The following HMGCLL1 variants were observed in gnomAD, a reference collection of about 807,000 sequenced individuals.
The protein encoded by HMGCLL1 is 3-hydroxymethyl-3-methylglutaryl-CoA lyase, cytoplasmic.
HMGCLL1 carries 36 observed loss-of-function variants against 39.1 expected under a neutral mutation model. The observed-to-expected ratio is 0.92, with a 90% CI of 0.71 to 1.22. HMGCLL1 has a LOEUF of 1.22. HMGCLL1 is among the 50% of genes most tolerant of loss of function. HMGCLL1 has a pLI of 0.00. For synonymous variants in HMGCLL1, 149 were observed against 144.0 expected, an observed-to-expected ratio of 1.03 and a Z score of -0.25; for missense variants, 451 against 416.5, an observed-to-expected ratio of 1.08 and a Z score of -0.72.
At chr6:55,646,014 A>T in the HMGCLL1 span, among the ~76,000 whole-genome samples, 3 of 151,908 alleles carry the variant, frequency 2.0e-5, no homozygotes, top group South Asian at 4.1e-4. Flanking sequence ...CAGCAAAGCC[A>T]TCAGTTTCTG....
At chr6:55,514,579 T>C (rs961054966) in intron 4 of HMGCLL1, among the ~76,000 whole-genome samples, 2 of 152,196 alleles carry the variant, frequency 1.3e-5, no homozygotes, top group East Asian at 3.9e-4. Flanking sequence ...ATTATTAAAA[T>C]GGAAGATACT....
chr6:55,644,119 C>G, the HMGCLL1 span, among the ~76,000 whole-genome samples: 4 of 151,988 alleles, frequency 2.6e-5, no homozygotes, highest in Non-Finnish European at 5.9e-5. Context: ...GAGATGATTA[C>G]TCATTGTAGT....
In HMGCLL1 at chr6:55,579,157, C is replaced by G. The variant is rs1399235223; in HGVS notation, c.-102G>C. On this transcript the variant is annotated 5_prime_UTR_variant, in exon 1 of 9. Coordinates refer to ENST00000274901, the MANE Select transcript of HMGCLL1 (RefSeq NM_001042406.2). ...TGCGCCAGCTCGGGAGCGCGCCCCT[C>G]CGGTGCACTGGCTGTGAGGACCAGA... 4 of 847,484 alleles carry G rather than the reference C, an allele frequency of 4.7e-6. No individual in the cohort carries two copies. Among genetic ancestry groups the G allele is most frequent in the African/African-American group, 1.7e-5 (1 of 59,984 alleles). The allele number at this position is 847,484 out of a possible 1,614,324, so 52.5% of individuals were successfully genotyped here. A position where few individuals can be genotyped will look rare whatever the true frequency, so the allele number is the denominator to read the frequency against.
chr6:55,660,834 G>A, the HMGCLL1 span, among the ~76,000 whole-genome samples: 7 of 151,836 alleles, frequency 4.6e-5, no homozygotes, highest in South Asian at 1.0e-3. Context: ...TTACACTACC[G>A]CCAATGGATT....
chr6:55,442,831 G>A lies in HMGCLL1; in HGVS notation c.796-3272C>T, dbSNP rs558739802. Reference sequence around the variant, plus strand: ...AAGAATGGGGAATTATACTTTAGAAGTGAAATTTGTGGCATTGTTCAGTAC... The same window carrying A: ...AAGAATGGGGAATTATACTTTAGAAATGAAATTTGTGGCATTGTTCAGTAC... On this transcript the variant is annotated intron_variant, in intron 7 of 8. Transcript: ENST00000274901. Among the ~76,000 whole-genome samples the A allele has an allele frequency of 8.5e-5, 13 of 152,276 alleles. 1 individual carries two copies. Among genetic ancestry groups the A allele is most frequent in the Admixed American group, 6.5e-4 (10 of 15,282 alleles).
chr6:55,539,890 GA>G (rs1182226167), intron 3 of HMGCLL1, among the ~76,000 whole-genome samples: 3 of 139,166 alleles, frequency 2.2e-5, no homozygotes, highest in African/African-American at 8.2e-5. Flanking sequence ...AAGAAAGAAA[GA>G]AAGAAAGAAA....
At position 55,541,647 on chromosome 6, in the gene HMGCLL1, CA is replaced by C. The variant is rs1769439553; in HGVS notation, c.297+81del. On this transcript the variant is annotated intron_variant, in intron 3 of 8. Transcript: ENST00000274901. ...GAATATGGAAAATTAGTAATTATAT[CA>C]AGTTAATATCACAGTATTTACCAAA... 5 of 689,292 alleles carry C rather than the reference CA, an allele frequency of 7.3e-6. No individual in the cohort carries two copies. In the South Asian group the frequency reaches 9.5e-5, roughly 13 times the overall value. 42.7% of individuals were successfully genotyped at this position (689,292 alleles called of 1,614,324 possible). A position where few individuals can be genotyped will look rare whatever the true frequency, so the allele number is the denominator to read the frequency against.
At chr6:55,625,560 G>A in the HMGCLL1 span, among the ~76,000 whole-genome samples, 1 of 152,100 alleles carries the variant, frequency 6.6e-6, no homozygotes, top group South Asian at 2.1e-4. Context: ...GACAGCTGCA[G>A]CACTACAGCC....
At chr6:55,551,511 A>T (rs1337589385) in intron 1 of HMGCLL1, among the ~76,000 whole-genome samples, 3 of 151,944 alleles carry the variant, frequency 2.0e-5, no homozygotes, top group African/African-American at 7.3e-5. Context: ...TTCAGCTGAA[A>T]TAGTAAAAAA....
the HMGCLL1 span, among the ~76,000 whole-genome samples, chr6:55,656,912 C>T: frequency 6.6e-6 from 1 of 151,914 alleles, no homozygotes; most frequent in Admixed American, 6.6e-5. Context: ...GCTACTTTGA[C>T]ACTGTATTAC....
chr6:55,590,129 A>G, the HMGCLL1 span, among the ~76,000 whole-genome samples: 1 of 152,200 alleles, frequency 6.6e-6, no homozygotes, highest in Non-Finnish European at 1.5e-5. Context: ...AGCTGGAGGC[A>G]TCATGCTCCC....
At chr6:55,593,339 G>GT in the HMGCLL1 span, among the ~76,000 whole-genome samples, 1 of 152,060 alleles carries the variant, frequency 6.6e-6, no homozygotes, top group Non-Finnish European at 1.5e-5. Context: ...ATTAAAATTA[G>GT]TTTTTTAGGA....
At chr6:55,471,959 C>T in intron 7 of HMGCLL1, among the ~76,000 whole-genome samples, 1 of 151,668 alleles carries the variant, frequency 6.6e-6, no homozygotes, top group East Asian at 1.9e-4. Context: ...TCTCATTCAA[C>T]ATGTTGTTTT....
intron 1 of HMGCLL1, among the ~76,000 whole-genome samples, chr6:55,565,697 CT>C (rs1174135406): frequency 6.6e-6 from 1 of 152,006 alleles, no homozygotes; most frequent in Non-Finnish European, 1.5e-5. Flanking sequence ...TATGTTCCAT[CT>C]TTTTTAGCTC....
At chr6:55,513,008 T>C (rs1767542175) in intron 5 of HMGCLL1, 1 of 152,152 alleles carries the variant, frequency 6.6e-6, no homozygotes, top group Admixed American at 6.6e-5. Context: ...GTTATAATAC[T>C]TGAGGCAACT....
At chr6:55,495,150 G>A (rs1300924360) in intron 7 of HMGCLL1, among the ~76,000 whole-genome samples, 1 of 152,106 alleles carries the variant, frequency 6.6e-6, no homozygotes, top group Non-Finnish European at 1.5e-5. Context: ...GAAACAAGCA[G>A]ACATAACTCT....
chr6:55,466,906 C>T (rs1356973904), intron 7 of HMGCLL1, among the ~76,000 whole-genome samples: 21 of 152,014 alleles, frequency 1.4e-4, no homozygotes. Flanking sequence ...AGAGTTTTAC[C>T]TTTACTAGTG....
At chr6:55,590,374 TC>T in the HMGCLL1 span, among the ~76,000 whole-genome samples, 2 of 152,130 alleles carry the variant, frequency 1.3e-5, no homozygotes, top group African/African-American at 4.8e-5. Flanking sequence ...CAGGATCCCT[TC>T]CTCACACCTT....
At chr6:55,605,787 C>T in the HMGCLL1 span, among the ~76,000 whole-genome samples, 1 of 152,086 alleles carries the variant, frequency 6.6e-6, no homozygotes, top group Non-Finnish European at 1.5e-5. Context: ...TCTAAATCAC[C>T]TTCCCAAACT....
Sources: gnomAD v4.1 joint callset for allele counts (sites outside exome capture counted in the v4.1 genomes callset) on GRCh38, gnomAD v4.1.1 for gene constraint, MANE v1.5 for transcripts, NCBI Gene and HGNC (gene_info 2026-07-23, HGNC 2026-07-21) for gene names.